Variants in KAT6B observed in about 807,000 individuals in gnomAD.
The protein encoded by KAT6B is histone acetyltransferase KAT6B.
Under a neutral mutation model 187.5 loss-of-function variants are expected in KAT6B, and 10 were observed. The ratio of observed to expected loss-of-function variants is 0.05; its 90% confidence interval spans 0.03 to 0.09. KAT6B has a LOEUF of 0.09. Ranked by LOEUF, KAT6B falls within the 10% of genes least tolerant of loss-of-function variation. KAT6B has a pLI of 1.00. For synonymous variants in KAT6B, 861 were observed against 926.8 expected (o/e 0.93, Z 1.29); for missense variants, 1,952 against 2,558.9 (o/e 0.76, Z 5.12).
intron 13 of KAT6B, among the ~76,000 whole-genome samples, chr10:75,018,356 A>G (rs1845139977): frequency 6.6e-6 from 1 of 152,186 alleles, no homozygotes; most frequent in Non-Finnish European, 1.5e-5. Flanking sequence ...TGTCCAAGGG[A>G]GTGTCTCAGG....
rs1056327909 is a variant in KAT6B at position 75,030,032 on chromosome 10, G to A, written c.5208G>A (p.Gln1736=). 1.9e-6 allele frequency: 3 copies of A among 1,614,086 alleles called. No homozygotes were observed. The African/African-American group carries it at 4.0e-5, about 22-fold the overall frequency. The change falls in exon 18 of 18, where the codon CAG becomes CAA. Residue 1736 remains glutamine, a synonymous_variant. Transcript: ENST00000287239. This position sits in a 1 kb window ranked among gnomAD's most constrained non-coding sequence, Gnocchi z 4.8. The part of the protein sequence containing the change: ...SNISGSCSML[Q]QTSISSPPTC... ...TCAGCGGGAGCTGCAGCATGCTGCAGCAAACCAGCATCAGCTCCCCTCCGA... is the reference window on the plus strand; with the variant it reads ...TCAGCGGGAGCTGCAGCATGCTGCAACAAACCAGCATCAGCTCCCCTCCGA...
intron 13 of KAT6B, among the ~76,000 whole-genome samples, chr10:75,003,537 T>C (rs1844000613): frequency 6.6e-6 from 1 of 152,210 alleles, no homozygotes; most frequent in Non-Finnish European, 1.5e-5. Flanking sequence ...AGCTATATCC[T>C]TGGGCTTTTG....
At chr10:74,843,552 G>C (rs1400475869) in intron 3 of KAT6B, 74 bp downstream of exon 3, 5 of 1,544,936 alleles carry the variant, frequency 3.2e-6, no homozygotes, top group South Asian at 1.1e-5. Flanking sequence ...TAAGTTTTAT[G>C]TGGACAAAAG....
intron 2 of KAT6B, among the ~76,000 whole-genome samples, 197 bp from the exon 3 acceptor site, chr10:74,842,403 C>T (rs1841812923): frequency 6.6e-6 from 1 of 152,068 alleles, no homozygotes; most frequent in Non-Finnish European, 1.5e-5. Context: ...GTGAAACATT[C>T]TAAAAACAAT....
rs369932752 is a variant in KAT6B, at chr10:75,017,565, T to A, written c.2630-3017T>A. On this transcript the variant is annotated intron_variant, in intron 13 of 17. Transcript: ENST00000287239. Reference sequence around the variant, plus strand: ...GGAAGCGGAGGTTGCATCGAGCCCATATCGCACCATTGCACTCCAGCCTAG... The same window carrying A: ...GGAAGCGGAGGTTGCATCGAGCCCAAATCGCACCATTGCACTCCAGCCTAG... 3.1e-4 allele frequency among the ~76,000 whole-genome samples: 47 copies of A among 152,038 alleles called. 1 individual carries two copies. In the South Asian group the frequency reaches 8.7e-3, roughly 28 times the overall value.
intron 6 of KAT6B, 138 bp from the exon 7 acceptor site, chr10:74,972,369 A>G (rs1841902426): frequency 1.5e-6 from 1 of 652,198 alleles, no homozygotes; most frequent in Non-Finnish European, 2.6e-6. Context: ...GAAAATGACA[A>G]AGGGAATGAC....
At chr10:74,904,287 C>G (rs1483010718) in intron 3 of KAT6B, among the ~76,000 whole-genome samples, 4 of 152,160 alleles carry the variant, frequency 2.6e-5, no homozygotes, top group East Asian at 3.8e-4. Flanking sequence ...GTCCCCTGCT[C>G]AAGGACTCAC....
At position 74,842,650 on chromosome 10, in the gene KAT6B, G is replaced by A. The variant is rs1419262043; in HGVS notation, c.-208G>A. The A allele has an allele frequency of 4.8e-6, 3 of 623,128 alleles. No individual in the cohort carries two copies. The highest frequency in any genetic ancestry group is 8.5e-6 in the Non-Finnish European group (3 of 354,070). The allele number at this position is 623,128 out of a possible 1,614,324, so 38.6% of individuals were successfully genotyped here. On this transcript the variant is annotated 5_prime_UTR_variant, in exon 3 of 18. Coordinates refer to ENST00000287239, the MANE Select transcript of KAT6B (RefSeq NM_012330.4). ...TCTTCACCCGAATGCAGTCTTTCCT[G>A]TTGGTAAAATAAGACAACCATCAAC...
intron 13 of KAT6B, among the ~76,000 whole-genome samples, chr10:75,007,589 G>A (rs1844304649): frequency 6.6e-6 from 1 of 152,144 alleles, no homozygotes; most frequent in South Asian, 2.1e-4. Context: ...AGAGGTGATT[G>A]GCTGGAGCGG....
intron 3 of KAT6B, 75 bp downstream of exon 3, chr10:74,843,553 TG>T: frequency 3.2e-6 from 5 of 1,544,294 alleles, no homozygotes; most frequent in Non-Finnish European, 4.5e-6. Context: ...AAGTTTTATG[TG>T]GACAAAAGTT....
chr10:74,975,320 G>T, intron 7 of KAT6B, 79 bp from the exon 8 acceptor site: 1 of 1,159,548 alleles, frequency 8.6e-7, no homozygotes, highest in Non-Finnish European at 1.3e-6. Context: ...AATGCATCTA[G>T]TTGCAATAAA....
intron 12 of KAT6B, among the ~76,000 whole-genome samples, chr10:74,987,220 G>A (rs1478556625): frequency 6.6e-6 from 1 of 152,188 alleles, no homozygotes; most frequent in Non-Finnish European, 1.5e-5. Flanking sequence ...CAGATCATGA[G>A]GTCAAGAGAT....
chr10:74,969,695 A>T lies in KAT6B; in HGVS notation c.766A>T (p.Thr256Ser). 1 of 1,614,022 alleles carries T rather than the reference A, an allele frequency of 6.2e-7. No individual in the cohort carries two copies. Among genetic ancestry groups the T allele is most frequent in the Non-Finnish European group, 8.5e-7 (1 of 1,179,862 alleles). ...PSCLKFCPELTTNVKALRWQC... is the reference protein window; with the variant it reads ...PSCLKFCPELSTNVKALRWQC... ...CTGTTTGAAATTTTGTCCTGAATTAACAACAAATGTAAAGGCCTTAAGGTG... is the reference window on the plus strand; with the variant it reads ...CTGTTTGAAATTTTGTCCTGAATTATCAACAAATGTAAAGGCCTTAAGGTG... Residue 256 changes from threonine (T) to serine (S), a missense_variant, in exon 5 of 18, where the codon ACA becomes TCA. By Grantham distance (58) the Thr-to-Ser change is moderately conservative. This residue lies in a region of KAT6B where 24 missense variants were observed against 42.7 expected (regional missense o/e 0.56). Coordinates refer to ENST00000287239, the MANE Select transcript of KAT6B (RefSeq NM_012330.4).
rs544036327 is a variant in KAT6B at position 74,918,879 on chromosome 10, A to T, written c.622-41091A>T. On this transcript the variant is annotated intron_variant, in intron 3 of 17. Transcript: ENST00000287239. ...ATTATTTCATTGTCTTTTGACTTCA[A>T]TTGTCAATCTCAGGTAATTGTCTTT... is the stretch of plus-strand genomic sequence containing the variant. 5.9e-5 allele frequency among the ~76,000 whole-genome samples: 9 copies of T among 152,280 alleles called. No individual in the cohort carries two copies. In the South Asian group the frequency reaches 6.2e-4, roughly 11 times the overall value.
intron 13 of KAT6B, among the ~76,000 whole-genome samples, chr10:75,016,388 A>G (rs945369188): frequency 1.3e-5 from 2 of 152,238 alleles, no homozygotes; most frequent in Non-Finnish European, 2.9e-5. Context: ...TTTCCCTTTA[A>G]GCAGACATCT....
intron 3 of KAT6B, among the ~76,000 whole-genome samples, chr10:74,917,364 G>A (rs976555867): frequency 2.0e-5 from 3 of 152,020 alleles, no homozygotes; most frequent in Admixed American, 6.6e-5. Context: ...GACTTTCACC[G>A]GTTTTTCACC....
intron 3 of KAT6B, among the ~76,000 whole-genome samples, chr10:74,861,747 C>CT (rs1465924881): frequency 6.6e-6 from 1 of 152,066 alleles, no homozygotes; most frequent in Non-Finnish European, 1.5e-5. Flanking sequence ...CTTTAAGTGC[C>CT]TTTTTACTGT....
intron 4 of KAT6B, among the ~76,000 whole-genome samples, chr10:74,965,287 A>G (rs925044409): frequency 6.6e-6 from 1 of 151,998 alleles, no homozygotes; most frequent in Non-Finnish European, 1.5e-5. Context: ...AATCACATTC[A>G]TCTTTTGGGT....
At chr10:74,865,201 T>C (rs1349698171) in intron 3 of KAT6B, among the ~76,000 whole-genome samples, 1 of 152,194 alleles carries the variant, frequency 6.6e-6, no homozygotes, top group African/African-American at 2.4e-5. Context: ...ATTTTGAACA[T>C]GTATCAGCTT....
Sources: gnomAD v4.1 joint callset for allele counts (sites outside exome capture counted in the v4.1 genomes callset) on GRCh38, gnomAD v4.1.1 for gene constraint, gnomAD v4.1.1 regional missense constraint, Gnocchi (gnomAD v3.1) non-coding constraint, MANE v1.5 for transcripts, NCBI Gene and HGNC (gene_info 2026-07-23, HGNC 2026-07-21) for gene names.